PCDH15: variants seen among roughly 807,000 people sequenced by gnomAD.
PCDH15 encodes protocadherin related 15.
In PCDH15, 129 loss-of-function variants were observed where a neutral mutation model predicts 178.5. That is an observed-to-expected ratio of 0.72 (90% CI 0.63 to 0.84). The LOEUF (loss-of-function observed/expected upper bound fraction) is 0.84, where lower values mean the gene tolerates loss of function less well. Among genes scored for constraint, PCDH15 ranks in the 40% least tolerant of loss-of-function variants. PCDH15 has a pLI of 0.00. For missense variants in PCDH15, 2,230 were observed against 2,099.9 expected, an observed-to-expected ratio of 1.06 and a Z score of -1.21; for synonymous variants, 800 against 732.0, an observed-to-expected ratio of 1.09 and a Z score of -1.50.
At chr10:53,996,541 T>A (rs192156996) in intron 20 of PCDH15, among the ~76,000 whole-genome samples, 3 of 152,302 alleles carry the variant, frequency 2.0e-5, no homozygotes, top group Non-Finnish European at 2.9e-5. Flanking sequence ...AAGATGTCCC[T>A]GTCTTTGTGT....
At chr10:55,042,823 C>A in intron 2 of PCDH15, among the ~76,000 whole-genome samples, 1 of 152,128 alleles carries the variant, frequency 6.6e-6, no homozygotes, top group Non-Finnish European at 1.5e-5. Flanking sequence ...ATCTACCTTC[C>A]AGTCTTTCAA....
intron 2 of PCDH15, among the ~76,000 whole-genome samples, chr10:54,964,191 A>G (rs1430376158): frequency 1.3e-5 from 2 of 152,174 alleles, no homozygotes; most frequent in African/African-American, 4.8e-5. Context: ...AGACAAATGG[A>G]ACTTTTTCAA....
At position 54,599,804 on chromosome 10, in the gene PCDH15, A is replaced by C. The variant is rs1590389430; in HGVS notation, c.91+64368T>G. 3 of 572,776 alleles carry C rather than the reference A, an allele frequency of 5.2e-6. No individual in the cohort carries two copies. In the East Asian group the frequency reaches 1.2e-4, roughly 22 times the overall value. 35.5% of individuals were successfully genotyped at this position (572,776 alleles called of 1,614,324 possible). A position where few individuals can be genotyped will look rare whatever the true frequency, so the allele number is the denominator to read the frequency against. On this transcript the variant is annotated intron_variant, in intron 2 of 37. Coordinates refer to ENST00000644397, the MANE Select transcript of PCDH15 (RefSeq NM_001384140.1). ...GCTGAAGAGGGAGGATCTGAGAAGG[A>C]AGCCTCTAGTGAAAAAGAGGAAGGT...
chr10:53,970,065 A>G (rs936632798), intron 21 of PCDH15, among the ~76,000 whole-genome samples: 1 of 152,224 alleles, frequency 6.6e-6, no homozygotes, highest in Non-Finnish European at 1.5e-5. Context: ...ACAGACTGGC[A>G]AACTGGATAA....
At chr10:53,810,700 A>C in intron 36 of PCDH15, 36 bp from the exon 37 acceptor site, 1 of 1,551,940 alleles carries the variant, frequency 6.4e-7, no homozygotes, top group Non-Finnish European at 8.9e-7. Context: ...ACAGTTTGTC[A>C]TGTGATTTCT....
intron 21 of PCDH15, among the ~76,000 whole-genome samples, chr10:53,984,388 G>A (rs1406810704): frequency 6.6e-6 from 1 of 151,930 alleles, no homozygotes; most frequent in Non-Finnish European, 1.5e-5. Context: ...CTGACCTTGT[G>A]ATCTGCCCAC....
intron 2 of PCDH15, among the ~76,000 whole-genome samples, chr10:55,022,425 CT>C (rs1840352998): frequency 7.6e-6 from 1 of 131,394 alleles, no homozygotes; most frequent in Non-Finnish European, 1.6e-5. Context: ...GCATTCCAGC[CT>C]GGGTGACAGA....
intron 1 of PCDH15, among the ~76,000 whole-genome samples, chr10:55,282,217 T>C (rs1842752769): frequency 6.6e-6 from 1 of 152,202 alleles, no homozygotes; most frequent in African/African-American, 2.4e-5. Flanking sequence ...GCTGCCCTCC[T>C]TTAGTGCCTT....
intron 1 of PCDH15, among the ~76,000 whole-genome samples, chr10:54,794,784 C>T (rs913916118): frequency 1.3e-5 from 2 of 151,968 alleles, no homozygotes; most frequent in African/African-American, 2.4e-5. Context: ...TTCAACAACA[C>T]ATCAAAGAAA....
At chr10:53,810,072 T>A (rs1008222936) in intron 37 of PCDH15, among the ~76,000 whole-genome samples, 8 of 152,052 alleles carry the variant, frequency 5.3e-5, no homozygotes, top group Non-Finnish European at 1.2e-4. Context: ...AGACAAAGTA[T>A]AAGAATTTTA....
intron 1 of PCDH15, among the ~76,000 whole-genome samples, chr10:55,305,167 T>C (rs1000138176): frequency 6.6e-6 from 1 of 152,178 alleles, no homozygotes; most frequent in African/African-American, 2.4e-5. Flanking sequence ...TGAATGCAAC[T>C]TCATAGAAAT....
chr10:54,729,121 A>AGC (rs1942987445), intron 1 of PCDH15, among the ~76,000 whole-genome samples: 1 of 151,694 alleles, frequency 6.6e-6, no homozygotes, highest in Non-Finnish European at 1.5e-5. Context: ...AAGCAATCCT[A>AGC]AACAAAAACA....
At chr10:54,191,211 A>AT (rs1012726174) in intron 11 of PCDH15, among the ~76,000 whole-genome samples, 31 of 152,200 alleles carry the variant, frequency 2.0e-4, no homozygotes, top group African/African-American at 7.5e-4. Context: ...TATAGGACCT[A>AT]TTCTCAACAG....
chr10:55,274,605 C>T (rs1005229714), intron 1 of PCDH15, among the ~76,000 whole-genome samples: 3 of 152,098 alleles, frequency 2.0e-5, no homozygotes, highest in African/African-American at 4.8e-5. Flanking sequence ...ATCACTAAAA[C>T]TAACAGCTTA....
intron 2 of PCDH15, among the ~76,000 whole-genome samples, chr10:55,105,598 T>A (rs1385492836): frequency 3.3e-5 from 5 of 152,178 alleles, no homozygotes; most frequent in Non-Finnish European, 7.3e-5. Context: ...GTTTTCCATA[T>A]GCAGGGTAGA....
At chr10:54,708,012 TATC>T (rs1344016921) in intron 1 of PCDH15, among the ~76,000 whole-genome samples, 1 of 152,198 alleles carries the variant, frequency 6.6e-6, no homozygotes, top group Admixed American at 6.5e-5. Flanking sequence ...AGTCAGAGTT[TATC>T]ATGTTTTAGC....
chr10:55,409,178 A>G (rs1350591448), intron 2 of PCDH15, among the ~76,000 whole-genome samples: 2 of 152,116 alleles, frequency 1.3e-5, no homozygotes, highest in South Asian at 4.1e-4. Flanking sequence ...TTGAACATCA[A>G]CTGCCCACTC....
At chr10:54,697,655 A>AGGG (rs1555156366) in intron 1 of PCDH15, among the ~76,000 whole-genome samples, 1 of 83,470 alleles carries the variant, frequency 1.2e-5, no homozygotes, top group African/African-American at 4.9e-5. Context: ...GAAGGAAGGA[A>AGGG]GGAAGGGGAA....
chr10:54,588,980 A>G (rs566468073), intron 2 of PCDH15, among the ~76,000 whole-genome samples: 19 of 152,186 alleles, frequency 1.2e-4, no homozygotes, highest in Non-Finnish European at 2.8e-4. Context: ...CAAAAGTTTG[A>G]GAAAGTAATA....
Sources: allele counts gnomAD v4.1 joint callset (sites outside exome capture counted in the v4.1 genomes callset), GRCh38; gene constraint gnomAD v4.1.1; transcripts MANE v1.5; gene names NCBI Gene and HGNC (gene_info 2026-07-23, HGNC 2026-07-21).